The following DRAM1 variants were observed in gnomAD, a reference collection of about 807,000 sequenced individuals.
The protein encoded by DRAM1 is DNA damage-regulated autophagy modulator protein 1.
A neutral mutation model predicts 28.5 loss-of-function variants in DRAM1; 25 were observed. The ratio of observed to expected loss-of-function variants is 0.88; its 90% CI spans 0.64 to 1.23. DRAM1 has a LOEUF of 1.23. Ranked by LOEUF, DRAM1 falls within the 50% of genes most tolerant of loss-of-function variation. The pLI is 0.00. For synonymous variants in DRAM1, 113 were observed against 114.2 expected (o/e 0.99, Z 0.07); for missense variants, 249 against 299.2 (o/e 0.83, Z 1.24).
chr12:101,908,258 C>G lies in DRAM1; in HGVS notation c.415C>G (p.Leu139Val). The G allele has an allele frequency of 6.2e-7, 1 of 1,614,170 alleles. No individual in the cohort carries two copies. The highest frequency in any genetic ancestry group is 8.5e-7 in the Non-Finnish European group (1 of 1,180,026). The change falls in exon 4 of 7, where the codon CTA (leucine) becomes GTA (valine). Residue 139 changes from leucine to valine, a missense_variant. Leu to Val is a conservative substitution (Grantham distance 32). This residue lies in a region of DRAM1 where 218 missense variants were observed against 243.1 expected (regional missense o/e 0.90). Transcript: ENST00000258534. ...AFVCGVVYTLLQSIISYKSCP... is the reference protein window; with the variant it reads ...AFVCGVVYTLVQSIISYKSCP... ...TGTCTGTGGTGTCGTGTACACGCTC[C>G]TACAGTCCATCATCTCTTACAAATC...
At chr12:101,920,883 C>T (rs1874457259) in intron 6 of DRAM1, among the ~76,000 whole-genome samples, 2 of 152,060 alleles carry the variant, frequency 1.3e-5, no homozygotes, top group South Asian at 4.2e-4. Context: ...TGCACTCCAG[C>T]TTGGGCAACA....
rs1335538114 is a variant in DRAM1 at position 101,904,284 on chromosome 12, G to A, written c.342+2851G>A. On this transcript the variant is annotated intron_variant, in intron 3 of 6. Transcript: ENST00000258534. ...TGAGAGGTGTGAGCCATCGTGCCCA[G>A]CCTATAAACAATTATTATTTGTCAA... Among the ~76,000 whole-genome samples, 3 of 151,316 alleles carry A rather than the reference G, an allele frequency of 2.0e-5. No homozygotes were observed. The East Asian group carries it at 5.8e-4, about 29-fold the overall frequency.
intron 5 of DRAM1, 103 bp from the exon 6 acceptor site, chr12:101,920,006 C>A: frequency 2.7e-6 from 2 of 739,510 alleles, no homozygotes; most frequent in South Asian, 5.4e-5. Flanking sequence ...CTTATGCTCA[C>A]TGGACAGCTT....
chr12:101,904,472 T>TC (rs2121112152), intron 3 of DRAM1, among the ~76,000 whole-genome samples: 1 of 107,426 alleles, frequency 9.3e-6, no homozygotes, highest in East Asian at 2.9e-4. Context: ...GACAGAGTCT[T>TC]GCTCTGTCAC....
chr12:101,881,761 T>G (rs1179275082), intron 1 of DRAM1, among the ~76,000 whole-genome samples: 1 of 152,214 alleles, frequency 6.6e-6, no homozygotes, highest in Non-Finnish European at 1.5e-5. Context: ...CTGATCACCC[T>G]TTTTAAAAAT....
At chr12:101,899,070 C>T (rs1047610486) in intron 2 of DRAM1, among the ~76,000 whole-genome samples, 3 of 152,176 alleles carry the variant, frequency 2.0e-5, no homozygotes, top group Admixed American at 6.6e-5. Flanking sequence ...CTGTTCCTCT[C>T]TACTGGTACA....
chr12:101,898,326 G>A (rs115240494), intron 2 of DRAM1, among the ~76,000 whole-genome samples: 3,639 of 152,208 alleles, frequency 0.024, 155 homozygotes, highest in African/African-American at 0.083. Flanking sequence ...ACGGCCTTGT[G>A]TATAATTTTT....
At chr12:101,882,897 G>A (rs1028907156) in intron 1 of DRAM1, among the ~76,000 whole-genome samples, 1 of 145,424 alleles carries the variant, frequency 6.9e-6, no homozygotes, top group Non-Finnish European at 1.5e-5. Context: ...GTGAAGAATG[G>A]CATTTCTGCA....
intron 4 of DRAM1, among the ~76,000 whole-genome samples, chr12:101,910,552 A>T (rs2121143732): frequency 6.7e-6 from 1 of 149,784 alleles, no homozygotes; most frequent in Non-Finnish European, 1.5e-5. Context: ...ATCTCCGCTC[A>T]CTGCAACCTC....
rs1873899668 is a variant in DRAM1, at chr12:101,908,282, T to C, written c.439T>C (p.Ser147Pro). The C allele has an allele frequency of 1.2e-6, 2 of 1,614,132 alleles. No homozygotes were observed. Among genetic ancestry groups the C allele is most frequent in the Non-Finnish European group, 1.7e-6 (2 of 1,180,002 alleles). ...CCTACAGTCCATCATCTCTTACAAATCATGTCCCCAGTGGAACAGTCTCTC... is the reference window on the plus strand; with the variant it reads ...CCTACAGTCCATCATCTCTTACAAACCATGTCCCCAGTGGAACAGTCTCTC... ...TLLQSIISYK[S>P]CPQWNSLSTC... The change falls in exon 4 of 7, where the codon TCA (serine) becomes CCA (proline). Residue 147 changes from serine to proline, a missense_variant. Transcript: ENST00000258534.
In DRAM1 at chr12:101,877,743, C is replaced by G. The variant is rs1872537513; in HGVS notation, c.-47C>G. ...CCAGGCAGCCCGGAGCAACCCGGCGCCCGGCCCCGCTGGGCGCAGCACTCC... is the reference window on the plus strand; with the variant it reads ...CCAGGCAGCCCGGAGCAACCCGGCGGCCGGCCCCGCTGGGCGCAGCACTCC... On this transcript the variant is annotated 5_prime_UTR_variant, in exon 1 of 7. Transcript: ENST00000258534. This position sits in a 1 kb window ranked among gnomAD's most constrained non-coding sequence, Gnocchi z 4.1. 2 of 1,377,532 alleles carry G rather than the reference C, an allele frequency of 1.5e-6. No individual in the cohort carries two copies. The highest frequency in any genetic ancestry group is 1.9e-6 in the Non-Finnish European group (2 of 1,061,150). The allele number at this position is 1,377,532 out of a possible 1,614,324, so 85.3% of individuals were successfully genotyped here.
chr12:101,893,924 A>T (rs4764835), intron 1 of DRAM1, among the ~76,000 whole-genome samples: 69,257 of 143,400 alleles, frequency 0.48, 16,151 homozygotes, highest in East Asian at 0.63. Context: ...GTTTTTTTTT[A>T]AAATTAATTA....
chr12:101,893,477 C>T (rs1228164410), intron 1 of DRAM1, among the ~76,000 whole-genome samples: 2 of 152,190 alleles, frequency 1.3e-5, no homozygotes, highest in Admixed American at 6.5e-5. Flanking sequence ...GTTTGCTCCC[C>T]GCCCCCAATC....
At chr12:101,908,561 A>G (rs926583353) in intron 4 of DRAM1, among the ~76,000 whole-genome samples, 198 bp downstream of exon 4, 1 of 152,178 alleles carries the variant, frequency 6.6e-6, no homozygotes, top group African/African-American at 2.4e-5. Context: ...AGTGAATGGA[A>G]AAGTACTAAA....
chr12:101,885,577 G>T (rs2121020873), intron 1 of DRAM1, among the ~76,000 whole-genome samples: 1 of 148,548 alleles, frequency 6.7e-6, no homozygotes, highest in South Asian at 2.2e-4. Context: ...ACCCAGGCTG[G>T]AGAGCAGTGG....
At chr12:101,880,668 A>G (rs1390099244) in intron 1 of DRAM1, among the ~76,000 whole-genome samples, 1 of 152,112 alleles carries the variant, frequency 6.6e-6, no homozygotes, top group Admixed American at 6.6e-5. Flanking sequence ...CGTGATATTC[A>G]TTGGCCAGGC....
At position 101,915,211 on chromosome 12, in the gene DRAM1, C is replaced by T. The variant is rs182690036; in HGVS notation, c.579+979C>T. On this transcript the variant is annotated intron_variant, in intron 5 of 6. Coordinates refer to ENST00000258534, the MANE Select transcript of DRAM1 (RefSeq NM_018370.3). ...AGCCAGGATGGTCTCGATCTCCTGA[C>T]CTCGTGATCTGCCCACCTCGGCCTC... Among the ~76,000 whole-genome samples, 8 of 151,284 alleles carry T rather than the reference C, an allele frequency of 5.3e-5. No individual in the cohort carries two copies. In the East Asian group the frequency reaches 1.6e-3, roughly 30 times the overall value.
intron 1 of DRAM1, among the ~76,000 whole-genome samples, chr12:101,893,599 T>C (rs1873221880): frequency 6.6e-6 from 1 of 152,194 alleles, no homozygotes. Context: ...AGCTCTGTGA[T>C]CTTGAACAAG....
At chr12:101,903,922 C>T (rs113036855) in intron 3 of DRAM1, among the ~76,000 whole-genome samples, 29 of 88,394 alleles carry the variant, frequency 3.3e-4, no homozygotes, top group Admixed American at 1.2e-3. Flanking sequence ...AACACACACA[C>T]ACATACACAC....
Sources: allele counts gnomAD v4.1 joint callset (sites outside exome capture counted in the v4.1 genomes callset), GRCh38; gene constraint gnomAD v4.1.1; regional missense constraint gnomAD v4.1.1; non-coding constraint Gnocchi (gnomAD v3.1); transcripts MANE v1.5; gene names NCBI Gene and HGNC (gene_info 2026-07-23, HGNC 2026-07-21).